ANKH: variants seen among roughly 807,000 people sequenced by gnomAD.
ANKH encodes mineralization regulator ANKH.
ANKH carries 15 observed loss-of-function variants against 49.0 expected under a neutral mutation model. That is an observed-to-expected ratio of 0.31 (90% CI 0.20 to 0.47). The LOEUF is 0.47. Ranked by LOEUF, ANKH falls within the 20% of genes least tolerant of loss-of-function variation. The pLI is 1.00. For missense variants in ANKH, 429 were observed against 652.0 expected (o/e 0.66, Z 3.72); for synonymous variants, 273 against 260.0 (o/e 1.05, Z -0.48).
intron 1 of ANKH, among the ~76,000 whole-genome samples, chr5:14,864,487 GA>G (rs1735587280): frequency 6.6e-6 from 1 of 152,158 alleles, no homozygotes; most frequent in African/African-American, 2.4e-5. Flanking sequence ...AGAAAACTGG[GA>G]AACACAGCAG....
chr5:14,711,679 G>A (rs1205236548), intron 11 of ANKH, among the ~76,000 whole-genome samples: 1 of 152,190 alleles, frequency 6.6e-6, no homozygotes, highest in Non-Finnish European at 1.5e-5. Context: ...CTCAAGCTTG[G>A]AATCTCACAT....
chr5:14,761,004 T>A (rs764922754), intron 2 of ANKH, among the ~76,000 whole-genome samples: 1 of 152,010 alleles, frequency 6.6e-6, no homozygotes, highest in Non-Finnish European at 1.5e-5. Flanking sequence ...GGGCTCTCAA[T>A]CCAATGACTG....
Position 14,749,247 on chromosome 5 carries a change from G to T in ANKH, c.747C>A (p.Ala249=). ...SFWWPLALIL[A]TQRISRPIVN... is the part of the protein sequence containing the mutation. ...CAATAGGCCGACTGATTCTCTGTGT[G>T]GCCAGAATTAGAGCCAAAGGCCACC... The change falls in exon 6 of 12, where the codon GCC becomes GCA. Residue 249 remains alanine, a synonymous_variant. Transcript: ENST00000284268. The T allele has an allele frequency of 6.2e-7, 1 of 1,614,120 alleles. No individual in the cohort carries two copies. The highest frequency in any genetic ancestry group is 1.1e-5 in the South Asian group (1 of 91,084).
intron 9 of ANKH, among the ~76,000 whole-genome samples, chr5:14,715,422 C>T (rs543702048): frequency 2.0e-5 from 3 of 152,364 alleles, no homozygotes; most frequent in South Asian, 2.1e-4. Flanking sequence ...TAAGCCACTG[C>T]GCCCGGCCCA....
intron 1 of ANKH, among the ~76,000 whole-genome samples, chr5:14,850,359 G>A (rs1432042989): frequency 6.6e-6 from 1 of 152,244 alleles, no homozygotes; most frequent in Non-Finnish European, 1.5e-5. Context: ...AATTCAGCTT[G>A]TTGTCCTTCC....
chr5:14,793,764 G>T (rs139716697), intron 1 of ANKH, among the ~76,000 whole-genome samples: 140 of 152,316 alleles, frequency 9.2e-4, no homozygotes, highest in African/African-American at 3.2e-3. Flanking sequence ...GTGTGGCCTT[G>T]CGGGGGCAGT....
intron 8 of ANKH, among the ~76,000 whole-genome samples, chr5:14,720,918 G>A (rs1457742621): frequency 3.9e-5 from 6 of 152,228 alleles, no homozygotes; most frequent in South Asian, 2.1e-4. Flanking sequence ...GAAAGATGGC[G>A]GAAATGGGCC....
At chr5:14,821,661 A>G (rs1741199489) in intron 1 of ANKH, among the ~76,000 whole-genome samples, 1 of 152,248 alleles carries the variant, frequency 6.6e-6, no homozygotes, top group Non-Finnish European at 1.5e-5. Flanking sequence ...AAAAAGCTTG[A>G]TACAGTAAAA....
At chr5:14,847,418 C>T (rs538587122) in intron 1 of ANKH, among the ~76,000 whole-genome samples, 9 of 152,266 alleles carry the variant, frequency 5.9e-5, no homozygotes, top group Admixed American at 1.3e-4. Context: ...AGGTTCCACT[C>T]GGAAATCGCC....
At chr5:14,842,683 C>T (rs1741846914) in intron 1 of ANKH, among the ~76,000 whole-genome samples, 1 of 152,160 alleles carries the variant, frequency 6.6e-6, no homozygotes, top group Non-Finnish European at 1.5e-5. Flanking sequence ...GTTTCTTGGG[C>T]TGGACTTGGA....
At chr5:14,786,792 T>C (rs1283823558) in intron 1 of ANKH, among the ~76,000 whole-genome samples, 1 of 152,136 alleles carries the variant, frequency 6.6e-6, no homozygotes, top group Non-Finnish European at 1.5e-5. Context: ...GTGTGACAAC[T>C]CCTTGACCCA....
At chr5:14,762,266 CTG>C (rs2126501115) in intron 2 of ANKH, among the ~76,000 whole-genome samples, 1 of 152,284 alleles carries the variant, frequency 6.6e-6, no homozygotes. Context: ...TGCAGAGTAA[CTG>C]GGGTAAACAT....
At chr5:14,844,789 G>A (rs1265076166) in intron 1 of ANKH, among the ~76,000 whole-genome samples, 1 of 152,144 alleles carries the variant, frequency 6.6e-6, no homozygotes, top group Non-Finnish European at 1.5e-5. Flanking sequence ...TTGAGTTTGA[G>A]AGTTATTTCT....
intron 1 of ANKH, among the ~76,000 whole-genome samples, chr5:14,855,490 A>C (rs1226572026): frequency 1.3e-5 from 2 of 152,226 alleles, no homozygotes; most frequent in Non-Finnish European, 2.9e-5. Flanking sequence ...AAAACACTCC[A>C]AAACAGTATA....
intron 1 of ANKH, among the ~76,000 whole-genome samples, chr5:14,817,988 G>A (rs114337914): frequency 0.051 from 7,619 of 150,616 alleles, 220 homozygotes; most frequent in South Asian, 0.066. Flanking sequence ...TGCTTGAACC[G>A]GGGAGGTGGA....
intron 3 of ANKH, among the ~76,000 whole-genome samples, chr5:14,758,273 G>A (rs1738965085): frequency 6.6e-6 from 1 of 152,164 alleles, no homozygotes; most frequent in Admixed American, 6.5e-5. Flanking sequence ...GCTGGGGAGG[G>A]GGCCGAGGAG....
In ANKH at chr5:14,768,697, G is replaced by A. The variant is rs10039427; in HGVS notation, c.313+278C>T. 123,295 of 521,566 alleles carry A rather than the reference G, an allele frequency of 0.24. 16,411 individuals are homozygous for A. Among genetic ancestry groups the A allele is most frequent in the East Asian group, 0.5 (14,727 of 29,238 alleles). 32.3% of individuals were successfully genotyped at this position (521,566 alleles called of 1,614,324 possible). Reference sequence around the variant, plus strand: ...AACGAAAGCACCTGCTATTTTATTGGCCTTACCAAATGTTATTCCTAGATG... The same window carrying A: ...AACGAAAGCACCTGCTATTTTATTGACCTTACCAAATGTTATTCCTAGATG... On this transcript the variant is annotated intron_variant, in intron 2 of 11. Coordinates refer to ENST00000284268, the MANE Select transcript of ANKH (RefSeq NM_054027.6).
intron 5 of ANKH, among the ~76,000 whole-genome samples, chr5:14,750,419 C>A (rs536572693): frequency 2.0e-5 from 3 of 152,338 alleles, no homozygotes; most frequent in Admixed American, 2.0e-4. Flanking sequence ...AGGCATCTTA[C>A]ACTACATCAC....
rs942563052 is a variant in ANKH, at chr5:14,755,891, T to C, written c.486A>G (p.Gly162=). 3 of 1,613,980 alleles carry C rather than the reference T, an allele frequency of 1.9e-6. No individual in the cohort carries two copies. Among genetic ancestry groups the C allele is most frequent in the Non-Finnish European group, 2.5e-6 (3 of 1,179,956 alleles). ...CTATGACATCTGAGATTGAGGCACA[T>C]CCCACCAGGAAACTGTATTTGTGTT... The part of the protein sequence containing the change: ...LLKHKYSFLV[G]CASISDVIAQ... Residue 162 remains glycine (G), a synonymous_variant, in exon 4 of 12, where the codon GGA becomes GGG. Coordinates refer to ENST00000284268, the MANE Select transcript of ANKH (RefSeq NM_054027.6).
Sources: allele counts gnomAD v4.1 joint callset (sites outside exome capture counted in the v4.1 genomes callset), GRCh38; gene constraint gnomAD v4.1.1; transcripts MANE v1.5; gene names NCBI Gene and HGNC (gene_info 2026-07-23, HGNC 2026-07-21).